The following ZNF44 variants were observed in gnomAD, a reference collection of about 807,000 sequenced individuals.
ZNF44 encodes the protein gonadotropin inducible transcription repressor-2.
A neutral mutation model predicts 11.7 loss-of-function variants in ZNF44; 9 were observed. That is an observed-to-expected ratio of 0.77 (90% confidence interval 0.46 to 1.35). The LOEUF is 1.35. Among genes scored for constraint, ZNF44 ranks in the 40% most tolerant of loss-of-function variants. ZNF44 has a pLI of 0.00. For synonymous variants in ZNF44, 224 were observed against 242.7 expected, an observed-to-expected ratio of 0.92 and a Z score of 0.72; for missense variants, 696 against 743.1, an observed-to-expected ratio of 0.94 and a Z score of 0.74.
rs1020098284 is a variant in ZNF44 at position 12,289,377 on chromosome 19, T to C, written c.3+5315A>G. Among the ~76,000 whole-genome samples, 6 of 152,146 alleles carry C rather than the reference T, an allele frequency of 3.9e-5. 1 individual carries two copies. The highest frequency in any genetic ancestry group is 1.4e-4 in the African/African-American group (6 of 41,442). ...AGTTTCTCTCTTTCTTCTAGGCCACTGATTTTTGACACACCCTCAGCCTAA... is the reference window on the plus strand; with the variant it reads ...AGTTTCTCTCTTTCTTCTAGGCCACCGATTTTTGACACACCCTCAGCCTAA... On this transcript the variant is annotated intron_variant, in intron 1 of 3. Transcript: ENST00000355684.
At chr19:12,286,491 G>A (rs1053242291) in intron 1 of ZNF44, among the ~76,000 whole-genome samples, 2 of 150,800 alleles carry the variant, frequency 1.3e-5, no homozygotes, top group African/African-American at 2.4e-5. Context: ...AAAATTAGCC[G>A]GGCGTGGTGG....
At chr19:12,276,946 G>C (rs1027011311) in intron 1 of ZNF44, among the ~76,000 whole-genome samples, 18 of 152,132 alleles carry the variant, frequency 1.2e-4, no homozygotes, top group Admixed American at 1.1e-3. Context: ...CCATCAGCAA[G>C]AAGATTCCCA....
At chr19:12,280,787 G>A (rs1967447419) in intron 1 of ZNF44, among the ~76,000 whole-genome samples, 1 of 152,050 alleles carries the variant, frequency 6.6e-6, no homozygotes, top group Non-Finnish European at 1.5e-5. Flanking sequence ...CTGATCAAAA[G>A]AAATTTGGAA....
intron 2 of ZNF44, among the ~76,000 whole-genome samples, chr19:12,233,662 AAAG>A (rs1277291272): frequency 6.6e-6 from 1 of 152,180 alleles, no homozygotes; most frequent in Non-Finnish European, 1.5e-5. Context: ...TCACAGAACC[AAAG>A]AAGAGCATGA....
intron 5 of ZNF44, among the ~76,000 whole-genome samples, chr19:12,254,896 G>A (rs1917177642): frequency 6.6e-6 from 1 of 151,952 alleles, no homozygotes; most frequent in African/African-American, 2.4e-5. Context: ...GACCAGCCTG[G>A]GGCAACCTGG....
In ZNF44 at chr19:12,288,774, G is replaced by GTATATGTATATATA. The variant is rs1413658227; in HGVS notation, c.3+5917_3+5918insTATATATACATATA. Among the ~76,000 whole-genome samples, 93 of 76,814 alleles carry GTATATGTATATATA rather than the reference G, an allele frequency of 1.2e-3. 1 individual carries two copies. The highest frequency in any genetic ancestry group is 1.9e-3 in the Non-Finnish European group (88 of 46,364). 50.4% of individuals were successfully genotyped at this position (76,814 alleles called of 152,430 possible). A position where few individuals can be genotyped will look rare whatever the true frequency, so the allele number is the denominator to read the frequency against. The stretch of plus-strand genomic sequence containing the variant: ...CTCCGTCTCAAAAAAAAAAAAAAAT[G>GTATATGTATATATA]TATATATATATATATATATATATAT... On this transcript the variant is annotated intron_variant, in intron 1 of 3. Transcript: ENST00000355684.
chr19:12,268,163 C>G (rs1001413963), downstream of ZNF44, among the ~76,000 whole-genome samples: 1 of 143,628 alleles, frequency 7.0e-6, no homozygotes. Context: ...CACACACACA[C>G]ACACACACAC....
In ZNF44 at chr19:12,273,617, C is replaced by A. The variant is rs150900225; in HGVS notation, c.638G>T (p.Arg213Leu). The change falls in exon 4 of 4, where the codon CGT becomes CTT. Residue 213 changes from arginine (R) to leucine (L), a missense_variant. Transcript: ENST00000355684. ...TCCAGTGTGAGTTCTTTCATGCATA[C>A]GTAATAAACTGGGCCAAAAAAAGGC... ...GKAFFWPSLL[R>L]MHERTHTGEK... is the part of the protein sequence containing the mutation. The A allele has an allele frequency of 6.2e-7, 1 of 1,614,110 alleles. No homozygotes were observed. Among genetic ancestry groups the A allele is most frequent in the Non-Finnish European group, 8.5e-7 (1 of 1,180,010 alleles).
chr19:12,239,295 G>A (rs1476309259), upstream of ZNF44, among the ~76,000 whole-genome samples: 1 of 151,632 alleles, frequency 6.6e-6, no homozygotes, highest in Admixed American at 6.6e-5. Context: ...TGTATTTTTA[G>A]TATAGACGGG....
chr19:12,259,731 A>G (rs565280532), intron 5 of ZNF44, among the ~76,000 whole-genome samples: 1 of 152,022 alleles, frequency 6.6e-6, no homozygotes, highest in Non-Finnish European at 1.5e-5. Flanking sequence ...AGGTTTAAGA[A>G]CCCCAGGTTT....
intron 5 of ZNF44, among the ~76,000 whole-genome samples, chr19:12,255,125 CA>C (rs1917190013): frequency 2.1e-5 from 3 of 143,966 alleles, no homozygotes; most frequent in African/African-American, 5.0e-5. Context: ...CACACACACA[CA>C]CACACACCCC....
chr19:12,246,754 C>T (rs1376277910), downstream of ZNF44, among the ~76,000 whole-genome samples: 4 of 151,952 alleles, frequency 2.6e-5, no homozygotes, highest in South Asian at 2.1e-4. Flanking sequence ...AGCCAGGCAA[C>T]GCAGCACACA....
chr19:12,271,710 T>C (rs1363561255), downstream of ZNF44: 1 of 152,240 alleles, frequency 6.6e-6, no homozygotes, highest in Non-Finnish European at 1.5e-5. Flanking sequence ...ATAGGTGATA[T>C]ATACGATGTA....
At chr19:12,244,530 G>A (rs1916715914), downstream of ZNF44, 1 of 152,618 alleles carries the variant, frequency 6.6e-6, no homozygotes, top group African/African-American at 2.4e-5. Context: ...AAAAGCAAAA[G>A]CTGTTCCCAA....
chr19:12,279,506 GAAAT>G (rs1252201807), intron 1 of ZNF44, among the ~76,000 whole-genome samples: 2 of 151,354 alleles, frequency 1.3e-5, no homozygotes, highest in Non-Finnish European at 2.9e-5. Flanking sequence ...AAACCCCAGA[GAAAT>G]AAATAAAACA....
chr19:12,239,732 C>T (rs1916546589), upstream of ZNF44, among the ~76,000 whole-genome samples: 1 of 151,880 alleles, frequency 6.6e-6, no homozygotes, highest in East Asian at 1.9e-4. Flanking sequence ...TGCCACCACA[C>T]GCAGCTAATT....
intron 1 of ZNF44, among the ~76,000 whole-genome samples, chr19:12,292,638 T>C (rs1968056159): frequency 6.6e-6 from 1 of 152,106 alleles, no homozygotes; most frequent in Admixed American, 6.6e-5. Context: ...TAGGAGACAC[T>C]GCCTTATGTC....
chr19:12,251,331 A>G (rs75397474), intron 5 of ZNF44, among the ~76,000 whole-genome samples: 1 of 145,906 alleles, frequency 6.9e-6, no homozygotes, highest in Non-Finnish European at 1.5e-5. Flanking sequence ...CTCTGTCTCA[A>G]AAAAAAAAAA....
At chr19:12,288,771 A>ATATATATATATATATATATAT (rs1253278392) in intron 1 of ZNF44, among the ~76,000 whole-genome samples, 2 of 38,368 alleles carry the variant, frequency 5.2e-5, no homozygotes, top group African/African-American at 3.5e-4. Flanking sequence ...AAAAAAAAAA[A>ATATATATATATATATATATAT]ATGTATATAT....
Sources: allele counts gnomAD v4.1 joint callset (sites outside exome capture counted in the v4.1 genomes callset), GRCh38; gene constraint gnomAD v4.1.1; transcripts MANE v1.5; gene names NCBI Gene and HGNC (gene_info 2026-07-23, HGNC 2026-07-21).